MMP12: variants seen among roughly 807,000 people sequenced by gnomAD.
The protein encoded by MMP12 is macrophage metalloelastase.
Under a neutral mutation model 45.2 loss-of-function variants are expected in MMP12, and 51 were observed. That is an observed-to-expected ratio of 1.13 (90% CI 0.90 to 1.42). MMP12 has a LOEUF of 1.42. Among genes scored for constraint, MMP12 ranks in the 40% most tolerant of loss-of-function variants. MMP12 has a pLI of 0.00. For missense variants in MMP12, 530 were observed against 570.8 expected (o/e 0.93, Z 0.73); for synonymous variants, 210 against 193.3 (o/e 1.09, Z -0.72).
At position 102,864,024 on chromosome 11, in the gene MMP12, G is replaced by T. The variant is rs1859339234; in HGVS notation, c.1312+122C>A. On this transcript the variant is annotated intron_variant, in intron 9 of 9. Coordinates refer to ENST00000571244, the MANE Select transcript of MMP12 (RefSeq NM_002426.6). ...CGTACAGTGTGAGTTTTTCCTTGCG[G>T]CCCTATGGGGAACTGCAGAAACCTG... 1.5e-5 allele frequency: 11 copies of T among 728,314 alleles called. No individual in the cohort carries two copies. In the East Asian group the frequency reaches 2.7e-4, roughly 18 times the overall value. The allele number at this position is 728,314 out of a possible 1,614,324, so 45.1% of individuals were successfully genotyped here.
rs1859322791 is a variant in MMP12, at chr11:102,863,160, A to G, written c.1353T>C (p.Tyr451=). The G allele has an allele frequency of 2.5e-6, 4 of 1,611,360 alleles. No individual in the cohort carries two copies. The highest frequency in any genetic ancestry group is 2.7e-5 in the African/African-American group (2 of 74,814). Residue 451 remains tyrosine (Y), a synonymous_variant, in exon 10 of 10, where the codon TAT becomes TAC. Coordinates refer to ENST00000571244, the MANE Select transcript of MMP12 (RefSeq NM_002426.6). ...YFFQGSNQFE[Y]DFLLQRITKT... ...TGGTGATACGTTGGAGTAGGAAGTC[A>G]TATTCAAATTGGTTAGATCCTTGGA...
chr11:102,864,001 T>A (rs549415759), intron 9 of MMP12, 145 bp downstream of exon 9: 71 of 651,984 alleles, frequency 1.1e-4, no homozygotes, highest in Admixed American at 3.6e-4. Context: ...CAGAGCCACG[T>A]ACAGTGTGAG....
In MMP12 at chr11:102,862,961, A is replaced by G. The variant is rs199651794; in HGVS notation, c.*139T>C. ...AATTGAAAAATATTATGTATTTTAT[A>G]TAATCATTACCTATGGTTTACAGAT... On this transcript the variant is annotated 3_prime_UTR_variant, in exon 10 of 10. Transcript: ENST00000571244. The G allele has an allele frequency of 1.2e-4, 58 of 491,106 alleles. No homozygotes were observed. The highest frequency in any genetic ancestry group is 2.5e-4 in the Admixed American group (6 of 24,426). The allele number at this position is 491,106 out of a possible 1,614,324, so 30.4% of individuals were successfully genotyped here.
chr11:102,867,353 A>T lies in MMP12; in HGVS notation c.828T>A (p.Asn276Lys). The T allele has an allele frequency of 6.2e-7, 1 of 1,611,614 alleles. No homozygotes were observed. Among genetic ancestry groups the T allele is most frequent in the Non-Finnish European group, 8.5e-7 (1 of 1,178,866 alleles). Residue 276 changes from asparagine to lysine, a missense_variant, in exon 6 of 10, where the codon AAT becomes AAA. Transcript: ENST00000571244. ...TGGGGTCACAGAGAGCTGGTTCTGA[A>T]TTGTCAGGATTTGGCAAGCGTTGGT... ...KENQRLPNPD[N>K]SEPALCDPNL...
rs1555009334 is a variant in MMP12 at position 102,871,583 on chromosome 11, G to T, written c.625+11C>A. ...TAGTTTTTTGTTTGTTTGTTTGTTT[G>T]TTTTGCCCACCTCCTGAATGTGTAG... On this transcript the variant is annotated intron_variant, in intron 4 of 9. Transcript: ENST00000571244. 8 of 1,550,262 alleles carry T rather than the reference G, an allele frequency of 5.2e-6. No homozygotes were observed. The Admixed American group carries it at 5.9e-5, about 11-fold the overall frequency.
intron 4 of MMP12, among the ~76,000 whole-genome samples, chr11:102,869,038 G>T (rs1859446446): frequency 6.6e-6 from 1 of 152,126 alleles, no homozygotes; most frequent in Non-Finnish European, 1.5e-5. Context: ...CCTAGAGAAT[G>T]CACCTTTGTA....
At chr11:102,872,690 C>A (rs921750760) in intron 2 of MMP12, among the ~76,000 whole-genome samples, 175 bp downstream of exon 2, 1 of 152,156 alleles carries the variant, frequency 6.6e-6, no homozygotes, top group Non-Finnish European at 1.5e-5. Context: ...AAACAATTCT[C>A]CCCTGAGTGA....
chr11:102,867,350 T>G lies in MMP12; in HGVS notation c.831A>C (p.Ser277=). 1 of 1,611,664 alleles carries G rather than the reference T, an allele frequency of 6.2e-7. No homozygotes were observed. Among genetic ancestry groups the G allele is most frequent in the Non-Finnish European group, 8.5e-7 (1 of 1,178,900 alleles). ...ENQRLPNPDN[S]EPALCDPNLS... is the part of the protein sequence containing the mutation. ...AATTGGGGTCACAGAGAGCTGGTTCTGAATTGTCAGGATTTGGCAAGCGTT... is the reference window on the plus strand; with the variant it reads ...AATTGGGGTCACAGAGAGCTGGTTCGGAATTGTCAGGATTTGGCAAGCGTT... The change falls in exon 6 of 10, where the codon TCA becomes TCC. Residue 277 remains serine, a synonymous_variant. Transcript: ENST00000571244.
Position 102,874,931 on chromosome 11 carries a change from A to G in MMP12, c.7T>C (p.Phe3Leu), listed in dbSNP as rs1859571621. 3 of 1,586,264 alleles carry G rather than the reference A, an allele frequency of 1.9e-6. No individual in the cohort carries two copies. Among genetic ancestry groups the G allele is most frequent in the Admixed American group, 1.8e-5 (1 of 56,442 alleles). MK[F>L]LLILLLQATA... ...GCCTGCAGGAGCAGTATTAGAAGAA[A>G]CTTCATTGTAAACTTCTAAACGGAT... Residue 3 changes from phenylalanine to leucine, a missense_variant, in exon 1 of 10, where the codon TTT becomes CTT. Phe to Leu is a conservative substitution (Grantham distance 22). Coordinates refer to ENST00000571244, the MANE Select transcript of MMP12 (RefSeq NM_002426.6).
chr11:102,873,486 G>C (rs990433311), intron 1 of MMP12, among the ~76,000 whole-genome samples: 6 of 152,070 alleles, frequency 3.9e-5, no homozygotes, highest in Non-Finnish European at 8.8e-5. Flanking sequence ...TGTAGTCCCA[G>C]CTACTCAGGA....
In MMP12 at chr11:102,866,345, C is replaced by A; in HGVS notation, c.1015G>T (p.Glu339Ter). The A allele has an allele frequency of 6.3e-7, 1 of 1,592,770 alleles. No individual in the cohort carries two copies. ...AAAAGAAAAACTTGATTTCTGGCTTCAATTTCATAAGCAGCTTCAATGCCA... is the reference window on the plus strand; with the variant it reads ...AAAAGAAAAACTTGATTTCTGGCTTAAATTTCATAAGCAGCTTCAATGCCA... ...PSGIEAAYEI[E>*]ARNQVFLFKD... The change falls in exon 7 of 10, where the codon GAA (glutamate) becomes TAA (stop). Residue 339 changes from glutamate (E) to a stop codon, truncating the protein, a stop_gained. Transcript: ENST00000571244. LOFTEE classifies it high-confidence loss of function.
At chr11:102,867,839 T>C in intron 5 of MMP12, 69 bp downstream of exon 5, 1 of 1,452,454 alleles carries the variant, frequency 6.9e-7, no homozygotes, top group African/African-American at 1.4e-5. Context: ...TATCCAAATA[T>C]AGATATTGTT....
At chr11:102,872,295 T>A (rs548881851) in intron 2 of MMP12, among the ~76,000 whole-genome samples, 11 of 152,300 alleles carry the variant, frequency 7.2e-5, no homozygotes, top group Non-Finnish European at 1.2e-4. Flanking sequence ...TAGTAAATTA[T>A]CTTATTTATA....
chr11:102,867,476 A>G (rs1859413559), intron 5 of MMP12, 83 bp from the exon 6 acceptor site: 2 of 1,253,590 alleles, frequency 1.6e-6, no homozygotes, highest in South Asian at 3.6e-5. Context: ...TAAATACTCA[A>G]TTTTCTTAAT....
rs781827028 is a variant in MMP12 at position 102,866,366 on chromosome 11, T to C, written c.994A>G (p.Ile332Val). 1.9e-6 allele frequency: 3 copies of C among 1,603,124 alleles called. No homozygotes were observed. The highest frequency in any genetic ancestry group is 1.1e-5 in the South Asian group (1 of 88,650). Residue 332 changes from isoleucine to valine, a missense_variant, in exon 7 of 10, where the codon ATT (isoleucine) becomes GTT (valine). Coordinates refer to ENST00000571244, the MANE Select transcript of MMP12 (RefSeq NM_002426.6). ...SSLWPTLPSGIEAAYEIEARN... is the reference protein window; with the variant it reads ...SSLWPTLPSGVEAAYEIEARN... Reference sequence around the variant, plus strand: ...GCTTCAATTTCATAAGCAGCTTCAATGCCAGATGGCAAGGTTGGCCATAAG... The same window carrying C: ...GCTTCAATTTCATAAGCAGCTTCAACGCCAGATGGCAAGGTTGGCCATAAG...
chr11:102,866,649 C>T (rs782576543), intron 6 of MMP12, among the ~76,000 whole-genome samples: 1 of 152,128 alleles, frequency 6.6e-6, no homozygotes, highest in Non-Finnish European at 1.5e-5. Flanking sequence ...CTTTAACAAG[C>T]AATCTGGTAT....
chr11:102,873,265 T>G (rs1859535111), intron 1 of MMP12, among the ~76,000 whole-genome samples, 153 bp from the exon 2 acceptor site: 1 of 152,160 alleles, frequency 6.6e-6, no homozygotes, highest in African/African-American at 2.4e-5. Flanking sequence ...TTTGGACAAT[T>G]AATTATAATC....
At position 102,873,024 on chromosome 11, in the gene MMP12, A is replaced by AT. The variant is rs782334342; in HGVS notation, c.190dup (p.Ile64AsnfsTer57). The AT allele has an allele frequency of 6.2e-6, 10 of 1,612,922 alleles. No individual in the cohort carries two copies. Among genetic ancestry groups the AT allele is most frequent in the African/African-American group, 2.7e-5 (2 of 74,860 alleles). ...ACCCAAGAAGTGCTGCATTTCTTGG[A>AT]TTTTTTCCTTCATTAAGTTTCCACT... is the stretch of plus-strand genomic sequence containing the variant. On this transcript the variant is annotated frameshift_variant, in exon 2 of 10. Transcript: ENST00000571244. LOFTEE classifies it high-confidence loss of function.
chr11:102,869,898 A>G (rs662028), intron 4 of MMP12, among the ~76,000 whole-genome samples: 18,665 of 152,190 alleles, frequency 0.12, 1,886 homozygotes, highest in African/African-American at 0.28. Context: ...CAGCCTGGGC[A>G]ACAGAGCAAG....
Sources: gnomAD v4.1 joint callset for allele counts (sites outside exome capture counted in the v4.1 genomes callset) on GRCh38, gnomAD v4.1.1 for gene constraint, MANE v1.5 for transcripts, NCBI Gene and HGNC (gene_info 2026-07-23, HGNC 2026-07-21) for gene names.